Variants in TRIO observed in about 807,000 individuals in gnomAD.
TRIO encodes trio Rho guanine nucleotide exchange factor, also known as triple functional domain protein.
Under a neutral mutation model 351.9 loss-of-function variants are expected in TRIO, and 58 were observed. The observed-to-expected ratio is 0.16, with a 90% CI of 0.13 to 0.21. The LOEUF is 0.21. Ranked by LOEUF, TRIO falls within the 10% of genes least tolerant of loss-of-function variation. The pLI is 1.00. For missense variants in TRIO, 3,201 were observed against 4,027.8 expected (o/e 0.79, Z 5.56); for synonymous variants, 1,758 against 1,595.7 (o/e 1.10, Z -2.42).
intron 31 of TRIO, among the ~76,000 whole-genome samples, chr5:14,401,880 G>C (rs1184038126): frequency 6.6e-6 from 1 of 152,090 alleles, no homozygotes; most frequent in African/African-American, 2.4e-5. Flanking sequence ...ATGGGACTCT[G>C]GTGTATGAAC....
At chr5:14,205,182 AG>A (rs1473816687) in intron 1 of TRIO, among the ~76,000 whole-genome samples, 3 of 152,250 alleles carry the variant, frequency 2.0e-5, no homozygotes, top group African/African-American at 7.2e-5. Context: ...CTGCAGCTGC[AG>A]GAAGTGTCTG....
chr5:14,467,915 A>G (rs1467283123), intron 37 of TRIO, among the ~76,000 whole-genome samples: 4 of 152,210 alleles, frequency 2.6e-5, no homozygotes, highest in African/African-American at 7.2e-5. Flanking sequence ...GTCTAAATGA[A>G]GGGTGCTTAA....
At chr5:14,405,809 G>A (rs1748653504) in intron 31 of TRIO, 39 bp from the exon 32 acceptor site, 1 of 1,592,680 alleles carries the variant, frequency 6.3e-7, no homozygotes, top group Non-Finnish European at 8.6e-7. Context: ...TCTGGAAAGG[G>A]CCGTTCCGTA....
chr5:14,507,159 T>C lies in TRIO; in HGVS notation c.8650T>C (p.Trp2884Arg). The change falls in exon 56 of 57, where the codon TGG (tryptophan) becomes CGG (arginine). Residue 2884 changes from tryptophan to arginine, a missense_variant. Physicochemically the swap from Trp to Arg is moderately radical, Grantham distance 101 (BLOSUM62 -3). Transcript: ENST00000344204. Reference sequence around the variant, plus strand: ...TCGCCTCCTGGACTGCGTGGTGCGATGGGGAAGCCTCACTGAAGGGAAGAT... The same window carrying C: ...TCGCCTCCTGGACTGCGTGGTGCGACGGGGAAGCCTCACTGAAGGGAAGAT... ...QGRLLDCVVRWGSLTEGKIRA... is the reference protein window; with the variant it reads ...QGRLLDCVVRRGSLTEGKIRA... 1 of 1,612,110 alleles carries C rather than the reference T, an allele frequency of 6.2e-7. No individual in the cohort carries two copies. Among genetic ancestry groups the C allele is most frequent in the African/African-American group, 1.3e-5 (1 of 74,968 alleles).
At chr5:14,341,034 T>A (rs937854718) in intron 11 of TRIO, among the ~76,000 whole-genome samples, 1 of 152,184 alleles carries the variant, frequency 6.6e-6, no homozygotes, top group Non-Finnish European at 1.5e-5. Flanking sequence ...TGTTTTTGTT[T>A]TGTTTTTTAA....
intron 33 of TRIO, among the ~76,000 whole-genome samples, chr5:14,407,825 G>A (rs1429406417): frequency 6.6e-6 from 1 of 152,230 alleles, no homozygotes; most frequent in African/African-American, 2.4e-5. Flanking sequence ...AATGTTCTCT[G>A]TCAGCCAGTG....
At chr5:14,195,420 G>C (rs2152159924) in intron 1 of TRIO, among the ~76,000 whole-genome samples, 1 of 152,222 alleles carries the variant, frequency 6.6e-6, no homozygotes, top group Middle Eastern at 3.4e-3. Context: ...CTGTCCTATG[G>C]GTGATGACAT....
chr5:14,164,183 T>G (rs1195650293), intron 1 of TRIO, among the ~76,000 whole-genome samples: 1 of 152,268 alleles, frequency 6.6e-6, no homozygotes, highest in African/African-American at 2.4e-5. Context: ...TTGACACTTC[T>G]GTGTCAATGC....
intron 39 of TRIO, among the ~76,000 whole-genome samples, chr5:14,473,273 A>G (rs1047634859): frequency 1.3e-5 from 2 of 152,190 alleles, no homozygotes; most frequent in African/African-American, 2.4e-5. Context: ...AAGAAACTCA[A>G]CTCATCAAAA....
chr5:14,249,288 G>A (rs1028673221), intron 1 of TRIO, among the ~76,000 whole-genome samples: 7 of 152,308 alleles, frequency 4.6e-5, no homozygotes, highest in East Asian at 3.9e-4. Context: ...TCTGTGGTGC[G>A]GGAGATTGTT....
chr5:14,153,534 G>C (rs1477261903), intron 1 of TRIO, among the ~76,000 whole-genome samples: 1 of 152,092 alleles, frequency 6.6e-6, no homozygotes, highest in Non-Finnish European at 1.5e-5. Context: ...TACCATCCAA[G>C]GGCCTGTACT....
intron 1 of TRIO, among the ~76,000 whole-genome samples, chr5:14,262,409 C>T (rs1360717857): frequency 1.3e-5 from 2 of 151,782 alleles, no homozygotes; most frequent in Non-Finnish European, 2.9e-5. Flanking sequence ...TGGAGTGAGC[C>T]TGGGGAGATG....
chr5:14,221,161 C>T (rs745715016), intron 1 of TRIO, among the ~76,000 whole-genome samples: 5 of 152,172 alleles, frequency 3.3e-5, no homozygotes, highest in Admixed American at 6.5e-5. Context: ...TGGATGATAG[C>T]CCATCTGTTG....
At chr5:14,428,739 C>A (rs1241484177) in intron 34 of TRIO, among the ~76,000 whole-genome samples, 1 of 152,172 alleles carries the variant, frequency 6.6e-6, no homozygotes, top group Non-Finnish European at 1.5e-5. Context: ...TAGATCATCA[C>A]AAAATTATAT....
At chr5:14,345,966 G>C (rs894641139) in intron 11 of TRIO, among the ~76,000 whole-genome samples, 1 of 152,196 alleles carries the variant, frequency 6.6e-6, no homozygotes, top group South Asian at 2.1e-4. Flanking sequence ...GAGGAAAGAG[G>C]TAAACTTACC....
chr5:14,425,516 G>A (rs963077599), intron 34 of TRIO, among the ~76,000 whole-genome samples: 1 of 152,202 alleles, frequency 6.6e-6, no homozygotes, highest in African/African-American at 2.4e-5. Context: ...CTATGAACAT[G>A]GATGTACAAG....
chr5:14,222,951 G>T (rs560076619), intron 1 of TRIO, among the ~76,000 whole-genome samples: 9 of 152,190 alleles, frequency 5.9e-5, no homozygotes, highest in African/African-American at 2.2e-4. Flanking sequence ...GATTGAGGGC[G>T]TCTCCCGGAT....
At chr5:14,439,927 T>C (rs116263869) in intron 34 of TRIO, among the ~76,000 whole-genome samples, 1,584 of 152,338 alleles carry the variant, frequency 0.01, 13 homozygotes, top group African/African-American at 0.036. Context: ...TTAATTGTCT[T>C]AAACTCAGAA....
chr5:14,363,789 G>A lies in TRIO; in HGVS notation c.2449G>A (p.Asp817Asn), dbSNP rs146974332. 3.3e-5 allele frequency: 53 copies of A among 1,614,010 alleles called. No homozygotes were observed. In the African/African-American group the frequency reaches 6.1e-4, roughly 19 times the overall value. ...GCTTTCTCAGCAAATGAATGACTTC[G>A]ACACAGAAGATCTCACGATTGCAGA... ...DELSQQMNDF[D>N]TEDLTIAEQR... The change falls in exon 14 of 57, where the codon GAC (aspartate) becomes AAC (asparagine). Residue 817 changes from aspartate to asparagine, a missense_variant. Asp to Asn is a conservative substitution (Grantham distance 23, BLOSUM62 1). Around this residue, in one of 19 missense-constraint regions of TRIO, gnomAD observed 363 missense variants for 553.5 expected, o/e 0.66. Transcript: ENST00000344204.
Sources: gnomAD v4.1 joint callset for allele counts (sites outside exome capture counted in the v4.1 genomes callset) on GRCh38, gnomAD v4.1.1 for gene constraint, gnomAD v4.1.1 regional missense constraint, MANE v1.5 for transcripts, NCBI Gene and HGNC (gene_info 2026-07-23, HGNC 2026-07-21) for gene names.